ZNF324: variants seen among roughly 807,000 people sequenced by gnomAD.
The protein encoded by ZNF324 is zinc finger protein 324A.
A neutral mutation model predicts 10.3 loss-of-function variants in ZNF324; 3 were observed. The ratio of observed to expected loss-of-function variants is 0.29; its 90% CI spans 0.13 to 0.75. The LOEUF (loss-of-function observed/expected upper bound fraction) is 0.75. ZNF324 is among the 30% of genes least tolerant of loss of function. The pLI, the probability that ZNF324 is intolerant of heterozygous loss-of-function variation, is 0.69. For missense variants in ZNF324, 763 were observed against 784.4 expected (o/e 0.97, Z 0.33); for synonymous variants, 430 against 339.5 (o/e 1.27, Z -2.93).
In ZNF324 at chr19:58,472,476, T is replaced by C. The variant is rs1024353038; in HGVS notation, c.*322T>C. On this transcript the variant is annotated 3_prime_UTR_variant, in exon 4 of 4. Coordinates refer to ENST00000196482, the MANE Select transcript of ZNF324 (RefSeq NM_014347.3). ...CACTGTGGTGCGGCTTCATGTGATATGACAGTGGATGCTAAGGTGAGAGGG... is the reference window on the plus strand; with the variant it reads ...CACTGTGGTGCGGCTTCATGTGATACGACAGTGGATGCTAAGGTGAGAGGG... 20 of 333,574 alleles carry C rather than the reference T, an allele frequency of 6.0e-5. No individual in the cohort carries two copies. The highest frequency in any genetic ancestry group is 1.7e-4 in the Admixed American group (4 of 22,982). The allele number at this position is 333,574 out of a possible 1,614,324, so 20.7% of individuals were successfully genotyped here.
intron 1 of ZNF324, chr19:58,468,249 T>C (rs1302819601): frequency 1.0e-6 from 1 of 985,230 alleles, no homozygotes; most frequent in Admixed American, 6.1e-5. Context: ...GGCCTATGAA[T>C]TGGACTGAGG....
intron 1 of ZNF324, among the ~76,000 whole-genome samples, chr19:58,467,931 G>A (rs1284542641): frequency 6.6e-6 from 1 of 151,930 alleles, no homozygotes; most frequent in South Asian, 2.1e-4. Context: ...CGTTTGTTGC[G>A]TGGAGAACAG....
At chr19:58,470,489 A>C (rs1309549372) in intron 3 of ZNF324, 1 of 629,116 alleles carries the variant, frequency 1.6e-6, no homozygotes, top group Non-Finnish European at 2.9e-6. Flanking sequence ...CCTCAGCTTC[A>C]CATCCTGGGT....
In ZNF324 at chr19:58,470,903, G is replaced by A. The variant is rs2053024524; in HGVS notation, c.411G>A (p.Thr137=). 1 of 1,614,242 alleles carries A rather than the reference G, an allele frequency of 6.2e-7. No individual in the cohort carries two copies. The highest frequency in any genetic ancestry group is 8.5e-7 in the Non-Finnish European group (1 of 1,180,040). Residue 137 remains threonine (T), a synonymous_variant, in exon 4 of 4, where the codon ACG becomes ACA. Transcript: ENST00000196482. ...CCCCATCTCGGGAGAGAAAACCCAC[G>A]GGGGTGTCGGTGATCTACTGGGAGA... ...GASPSRERKP[T]GVSVIYWERL... is the part of the protein sequence containing the mutation.
rs776234234 is a variant in ZNF324 at position 58,471,453 on chromosome 19, G to A, written c.961G>A (p.Ala321Thr). 10 of 1,602,682 alleles carry A rather than the reference G, an allele frequency of 6.2e-6. No homozygotes were observed. In the African/African-American group the frequency reaches 1.1e-4, roughly 17 times the overall value. Residue 321 changes from alanine to threonine, a missense_variant, in exon 4 of 4, where the codon GCC (alanine) becomes ACC (threonine). By Grantham distance (58) the Ala-to-Thr change is moderately conservative. This residue lies in a region of ZNF324 where 153 missense variants were observed against 269.0 expected (regional missense o/e 0.57). Coordinates refer to ENST00000196482, the MANE Select transcript of ZNF324 (RefSeq NM_014347.3). ...TPYACPVCGK[A>T]FRHSSSLVRH... ...CTACGCGTGCCCCGTGTGCGGCAAGGCCTTCCGGCATAGCTCCTCGCTGGT... is the reference window on the plus strand; with the variant it reads ...CTACGCGTGCCCCGTGTGCGGCAAGACCTTCCGGCATAGCTCCTCGCTGGT...
rs769403812 is a variant in ZNF324 at position 58,470,821 on chromosome 19, T to G, written c.329T>G (p.Phe110Cys). ...CCACCTGGGATGACTACTAGCGTCTTCCCTGTTGCCGGTGCCTGCCACAGT... is the reference window on the plus strand; with the variant it reads ...CCACCTGGGATGACTACTAGCGTCTGCCCTGTTGCCGGTGCCTGCCACAGT... ...DTPPGMTTSV[F>C]PVAGACHSVK... The change falls in exon 4 of 4, where the codon TTC (phenylalanine) becomes TGC (cysteine). Residue 110 changes from phenylalanine to cysteine, a missense_variant. Physicochemically the swap from Phe to Cys is radical, Grantham distance 205. Coordinates refer to ENST00000196482, the MANE Select transcript of ZNF324 (RefSeq NM_014347.3). The G allele has an allele frequency of 6.2e-7, 1 of 1,614,112 alleles. No homozygotes were observed. The highest frequency in any genetic ancestry group is 8.5e-7 in the Non-Finnish European group (1 of 1,180,022).
At position 58,470,857 on chromosome 19, in the gene ZNF324, T is replaced by G; in HGVS notation, c.365T>G (p.Leu122Arg). ...GGTGCCTGCCACAGTGTAAAAAGCC[T>G]GCAGAGACAACGGGGTGCCTCCCCA... ...VAGACHSVKS[L>R]QRQRGASPSR... The change falls in exon 4 of 4, where the codon CTG becomes CGG. Residue 122 changes from leucine to arginine, a missense_variant. This residue lies in a region of ZNF324 where 379 missense variants were observed against 319.4 expected (regional missense o/e 1.19). Coordinates refer to ENST00000196482, the MANE Select transcript of ZNF324 (RefSeq NM_014347.3). The G allele has an allele frequency of 6.2e-7, 1 of 1,614,168 alleles. No individual in the cohort carries two copies. Among genetic ancestry groups the G allele is most frequent in the Non-Finnish European group, 8.5e-7 (1 of 1,180,026 alleles).
In ZNF324 at chr19:58,471,719, C is replaced by G. The variant is rs748755451; in HGVS notation, c.1227C>G (p.Gly409=). The G allele has an allele frequency of 1.6e-5, 26 of 1,612,298 alleles. No homozygotes were observed. Among genetic ancestry groups the G allele is most frequent in the Admixed American group, 6.7e-5 (4 of 59,970 alleles). Residue 409 remains glycine (G), a synonymous_variant, in exon 4 of 4, where the codon GGC becomes GGG. Coordinates refer to ENST00000196482, the MANE Select transcript of ZNF324 (RefSeq NM_014347.3). ...CALCGAAFSQ[G]SSLFKHQRVH... is the part of the protein sequence containing the mutation. ...TCTGCGGTGCTGCCTTCAGCCAGGG[C>G]TCCTCGCTCTTTAAGCACCAGCGCG...
Position 58,471,612 on chromosome 19 carries a change from T to G in ZNF324, c.1120T>G (p.Cys374Gly). The change falls in exon 4 of 4, where the codon TGT becomes GGT. Residue 374 changes from cysteine (C) to glycine (G), a missense_variant. By Grantham distance (159) the Cys-to-Gly change is radical (BLOSUM62 -3). Coordinates refer to ENST00000196482, the MANE Select transcript of ZNF324 (RefSeq NM_014347.3). ...TGGGCGTCCTTATGCTTGCGCACAG[T>G]GTGGCCGCCGCTTCTGCCGCAACTC... ...AGGRPYACAQ[C>G]GRRFCRNSHL... 6.2e-7 allele frequency: 1 copy of G among 1,606,594 alleles called. No individual in the cohort carries two copies. Among genetic ancestry groups the G allele is most frequent in the Non-Finnish European group, 8.5e-7 (1 of 1,178,382 alleles).
chr19:58,469,490 C>G (rs2053009270), intron 2 of ZNF324, among the ~76,000 whole-genome samples, 184 bp downstream of exon 2: 1 of 152,250 alleles, frequency 6.6e-6, no homozygotes, highest in Admixed American at 6.5e-5. Flanking sequence ...GTGGCGCTGT[C>G]CGGCTGTGGC....
rs749413179 is a variant in ZNF324 at position 58,471,886 on chromosome 19, G to A, written c.1394G>A (p.Gly465Asp). The change falls in exon 4 of 4, where the codon GGC becomes GAC. Residue 465 changes from glycine to aspartate, a missense_variant. Around this residue, in one of 3 missense-constraint regions of ZNF324, gnomAD observed 231 missense variants for 196.0 expected, o/e 1.18. Coordinates refer to ENST00000196482, the MANE Select transcript of ZNF324 (RefSeq NM_014347.3). ...CVDCGKAFAK[G>D]AVLLSHRRIH... ...GACTGTGGCAAGGCCTTCGCCAAGGGCGCCGTGCTGCTCAGCCACCGGCGC... is the reference window on the plus strand; with the variant it reads ...GACTGTGGCAAGGCCTTCGCCAAGGACGCCGTGCTGCTCAGCCACCGGCGC... 2 of 1,611,602 alleles carry A rather than the reference G, an allele frequency of 1.2e-6. No individual in the cohort carries two copies. The highest frequency in any genetic ancestry group is 1.1e-5 in the South Asian group (1 of 91,010).
At position 58,471,071 on chromosome 19, in the gene ZNF324, G is replaced by C. The variant is rs1342682021; in HGVS notation, c.579G>C (p.Glu193Asp). 2 of 1,613,922 alleles carry C rather than the reference G, an allele frequency of 1.2e-6. No individual in the cohort carries two copies. Among genetic ancestry groups the C allele is most frequent in the Non-Finnish European group, 1.7e-6 (2 of 1,180,044 alleles). ...TGGGGAGGCAGCCCAGGACGCCTGA[G>C]CGGCAGAAACCATGTGCACAGGAGG... The part of the protein sequence containing the change: ...ALLGRQPRTP[E>D]RQKPCAQEVP... Residue 193 changes from glutamate (E) to aspartate (D), a missense_variant, in exon 4 of 4, where the codon GAG becomes GAC. Glu to Asp is a conservative substitution (Grantham distance 45, BLOSUM62 2). Transcript: ENST00000196482.
In ZNF324 at chr19:58,469,709, C is replaced by T. The variant is rs376654545; in HGVS notation, c.122-19C>T. 8.4e-6 allele frequency: 13 copies of T among 1,556,088 alleles called. No individual in the cohort carries two copies. The highest frequency in any genetic ancestry group is 2.7e-5 in the African/African-American group (2 of 73,550). On this transcript the variant is annotated intron_variant, in intron 2 of 3. Coordinates refer to ENST00000196482, the MANE Select transcript of ZNF324 (RefSeq NM_014347.3). ...TCTTGAGCTGGGGCTGGACTCTAAC[C>T]TGCACCTCCTCCTCACAGGACTCTC...
rs991301277 is a variant in ZNF324, at chr19:58,469,231, G to A, written c.46G>A (p.Gly16Arg). 1.2e-6 allele frequency: 2 copies of A among 1,614,112 alleles called. No homozygotes were observed. The highest frequency in any genetic ancestry group is 8.5e-7 in the Non-Finnish European group (1 of 1,179,992). Reference sequence around the variant, plus strand: ...TGTGTACTTCTCCCAGGAGGAGTGGGGGCTCCTGGACACAGCCCAGAGGGC... The same window carrying A: ...TGTGTACTTCTCCCAGGAGGAGTGGAGGCTCCTGGACACAGCCCAGAGGGC... ...VAVYFSQEEW[G>R]LLDTAQRALY... Residue 16 changes from glycine (G) to arginine (R), a missense_variant, in exon 2 of 4, where the codon GGG becomes AGG. Coordinates refer to ENST00000196482, the MANE Select transcript of ZNF324 (RefSeq NM_014347.3).
chr19:58,472,100 C>G lies in ZNF324; in HGVS notation c.1608C>G (p.Thr536=), dbSNP rs148766951. The G allele has an allele frequency of 1.4e-4, 218 of 1,595,938 alleles. No individual in the cohort carries two copies. The African/African-American group carries it at 2.4e-3, about 17-fold the overall frequency. Residue 536 remains threonine (T), a synonymous_variant, in exon 4 of 4, where the codon ACC becomes ACG. Coordinates refer to ENST00000196482, the MANE Select transcript of ZNF324 (RefSeq NM_014347.3). ...CAGAAGGTGCGCCAGCGAAGGAAAC[C>G]GAGCCCACTCCCGCCTCGGGCCCAG... is the stretch of plus-strand genomic sequence containing the variant. The part of the protein sequence containing the change: ...ASSEGAPAKE[T]EPTPASGPAA...
rs1447777175 is a variant in ZNF324 at position 58,475,216 on chromosome 19, G to A, written c.*3062G>A. ...GATCAAGACCACTGCTCTTCATCCA[G>A]AGCAGGCAGCAGGGATTCCCAGGTA... On this transcript the variant is annotated 3_prime_UTR_variant, in exon 4 of 4. Coordinates refer to ENST00000196482, the MANE Select transcript of ZNF324 (RefSeq NM_014347.3). 4.6e-5 allele frequency: 7 copies of A among 152,242 alleles called. No individual in the cohort carries two copies. Among genetic ancestry groups the A allele is most frequent in the African/African-American group, 1.4e-4 (6 of 41,452 alleles). The allele number at this position is 152,242 out of a possible 1,614,324, so 9.4% of individuals were successfully genotyped here.
chr19:58,475,036 G>A lies in ZNF324; in HGVS notation c.*2882G>A, dbSNP rs928821030. 3.9e-5 allele frequency: 6 copies of A among 152,102 alleles called. No homozygotes were observed. The highest frequency in any genetic ancestry group is 1.9e-4 in the East Asian group (1 of 5,184). 9.4% of individuals were successfully genotyped at this position (152,102 alleles called of 1,614,324 possible). ...CCAGTGCTCTCCCCACATGGTGGAG[G>A]GTGAAAGTTTTTGTTTTTTTTTCCT... is the stretch of plus-strand genomic sequence containing the variant. On this transcript the variant is annotated 3_prime_UTR_variant, in exon 4 of 4. Transcript: ENST00000196482.
Position 58,471,027 on chromosome 19 carries a change from C to A in ZNF324, c.535C>A (p.Leu179Ile), listed in dbSNP as rs757861293. 1 of 1,614,102 alleles carries A rather than the reference C, an allele frequency of 6.2e-7. No homozygotes were observed. The highest frequency in any genetic ancestry group is 8.5e-7 in the Non-Finnish European group (1 of 1,180,040). Residue 179 changes from leucine (L) to isoleucine (I), a missense_variant, in exon 4 of 4, where the codon CTC (leucine) becomes ATC (isoleucine). Coordinates refer to ENST00000196482, the MANE Select transcript of ZNF324 (RefSeq NM_014347.3). ...PEGVRLREKTLTEHALLGRQP... is the reference protein window; with the variant it reads ...PEGVRLREKTITEHALLGRQP... ...GGGCGTCCGGCTTAGAGAAAAGACA[C>A]TCACAGAGCATGCGTTGCTGGGGAG... is the stretch of plus-strand genomic sequence containing the variant.
chr19:58,469,050 G>C, intron 1 of ZNF324, 130 bp from the exon 2 acceptor site: 1 of 1,082,864 alleles, frequency 9.2e-7, no homozygotes, highest in Non-Finnish European at 1.3e-6. Flanking sequence ...TAGCTCATCA[G>C]CTGTTATTAG....
Sources: gnomAD v4.1 joint callset for allele counts (sites outside exome capture counted in the v4.1 genomes callset) on GRCh38, gnomAD v4.1.1 for gene constraint, gnomAD v4.1.1 regional missense constraint, MANE v1.5 for transcripts, NCBI Gene and HGNC (gene_info 2026-07-23, HGNC 2026-07-21) for gene names.